Variants in HMGA2 observed in about 807,000 individuals in gnomAD.
HMGA2 encodes the protein high mobility group AT-hook 2, also known as high mobility group protein HMGI-C.
In HMGA2, 8 loss-of-function variants were observed where a neutral mutation model predicts 19.1. The observed-to-expected ratio is 0.42, with a 90% CI of 0.25 to 0.76. The LOEUF (loss-of-function observed/expected upper bound fraction) is 0.76. Ranked by LOEUF, HMGA2 falls within the 30% of genes least tolerant of loss-of-function variation. The pLI, the probability that HMGA2 is intolerant of heterozygous loss-of-function variation, is 0.28. For missense variants in HMGA2, 109 were observed against 136.3 expected, an observed-to-expected ratio of 0.80 and a Z score of 1.00; for synonymous variants, 60 against 48.8, an observed-to-expected ratio of 1.23 and a Z score of -0.96.
chr12:65,954,680 G>C (rs1453827206), intron 4 of HMGA2: 2 of 152,148 alleles, frequency 1.3e-5, no homozygotes, highest in African/African-American at 4.8e-5. Context: ...CTGTTGCAGG[G>C]GTTTGTGTTT....
chr12:65,912,422 T>A (rs1258860975), intron 3 of HMGA2, among the ~76,000 whole-genome samples: 1 of 152,124 alleles, frequency 6.6e-6, no homozygotes, highest in African/African-American at 2.4e-5. Context: ...CTCTTCATGG[T>A]GGGCCTCAGC....
chr12:65,888,382 T>C (rs1057483635), intron 3 of HMGA2, among the ~76,000 whole-genome samples: 3 of 150,280 alleles, frequency 2.0e-5, no homozygotes, highest in Non-Finnish European at 4.4e-5. Context: ...TTGAACCCGG[T>C]AGGTGGAGGT....
rs572239126 is a variant in HMGA2 at position 65,846,270 on chromosome 12, G to A, written c.249+7701G>A. On this transcript the variant is annotated intron_variant, in intron 3 of 4. Coordinates refer to ENST00000403681, the MANE Select transcript of HMGA2 (RefSeq NM_003483.6). ...AGAGTCCCTTTTGAGCATTTCCTTA[G>A]TAAACGATGAATGGCTGCTGGTCAA... is the stretch of plus-strand genomic sequence containing the variant. Among the ~76,000 whole-genome samples, 13 of 152,332 alleles carry A rather than the reference G, an allele frequency of 8.5e-5. No homozygotes were observed. In the East Asian group the frequency reaches 2.3e-3, roughly 27 times the overall value.
In HMGA2 at chr12:65,825,448, C is replaced by T. The variant is rs1870107577; in HGVS notation, c.111+67C>T. 1 of 1,171,976 alleles carries T rather than the reference C, an allele frequency of 8.5e-7. No individual in the cohort carries two copies. 72.6% of individuals were successfully genotyped at this position (1,171,976 alleles called of 1,614,324 possible). The stretch of plus-strand genomic sequence containing the variant: ...CCCACTGCCGGGGCCCAGACACGCG[C>T]GGGGCGGCCGGAGTGCGGGAGCCCA... On this transcript the variant is annotated intron_variant, in intron 1 of 4. Coordinates refer to ENST00000403681, the MANE Select transcript of HMGA2 (RefSeq NM_003483.6). This position sits in a 1 kb window ranked among gnomAD's most constrained non-coding sequence, Gnocchi z 4.4.
chr12:65,828,158 C>T (rs993218298), intron 2 of HMGA2, 71 bp downstream of exon 2: 9 of 1,102,926 alleles, frequency 8.2e-6, no homozygotes, highest in Non-Finnish European at 1.3e-5. Flanking sequence ...TGTAACTTTC[C>T]CATTCTAACT....
At chr12:65,909,180 A>G (rs1376345419) in intron 3 of HMGA2, among the ~76,000 whole-genome samples, 1 of 152,230 alleles carries the variant, frequency 6.6e-6, no homozygotes, top group Admixed American at 6.5e-5. Flanking sequence ...TACTGTTTGT[A>G]TGTAAGTCCC....
chr12:65,838,483 G>A (rs747200825), intron 2 of HMGA2, 36 bp from the exon 3 acceptor site: 30 of 1,551,494 alleles, frequency 1.9e-5, no homozygotes, highest in Non-Finnish European at 2.5e-5. Flanking sequence ...ACAATGTCAG[G>A]TAGAAAACTA....
At chr12:65,909,316 G>A (rs1196860304) in intron 3 of HMGA2, among the ~76,000 whole-genome samples, 7 of 152,018 alleles carry the variant, frequency 4.6e-5, no homozygotes, top group African/African-American at 1.4e-4. Flanking sequence ...GAATTTAAAA[G>A]GATATAAGGT....
rs1874980167 is a variant in HMGA2, at chr12:65,914,358, T to C, written c.250-37025T>C. On this transcript the variant is annotated intron_variant, in intron 3 of 4. Coordinates refer to ENST00000403681, the MANE Select transcript of HMGA2 (RefSeq NM_003483.6). ...GTCCTTTGTAGGGACAAGGATGAAA[T>C]TGGAAATCATCATTCTCAGTAAACT... 5.3e-5 allele frequency among the ~76,000 whole-genome samples: 8 copies of C among 151,598 alleles called. No homozygotes were observed. The South Asian group carries it at 1.7e-3, about 32-fold the overall frequency.
chr12:65,947,365 G>A (rs1876305861), intron 3 of HMGA2, among the ~76,000 whole-genome samples: 1 of 152,098 alleles, frequency 6.6e-6, no homozygotes, highest in Non-Finnish European at 1.5e-5. Flanking sequence ...TCCTCTCAAA[G>A]TGCTGAGATT....
At position 65,856,904 on chromosome 12, in the gene HMGA2, T is replaced by C. The variant is rs1382731630; in HGVS notation, c.249+18335T>C. ...TTTGATTAGGGCCCACCCCACTGAC[T>C]TCATCCTACCTTGATTATATCTGCC... is the stretch of plus-strand genomic sequence containing the variant. On this transcript the variant is annotated intron_variant, in intron 3 of 4. Coordinates refer to ENST00000403681, the MANE Select transcript of HMGA2 (RefSeq NM_003483.6). 3.3e-5 allele frequency: 5 copies of C among 152,348 alleles called. No homozygotes were observed. In the Middle Eastern group the frequency reaches 0.014, roughly 415 times the overall value. The allele number at this position is 152,348 out of a possible 1,614,324, so 9.4% of individuals were successfully genotyped here.
intron 3 of HMGA2, chr12:65,915,512 A>G (rs999339063): frequency 8.4e-6 from 10 of 1,184,040 alleles, no homozygotes; most frequent in African/African-American, 7.8e-5. Flanking sequence ...TTCATAAAAC[A>G]GATGCTTAAA....
chr12:65,860,419 A>T (rs1871996411), intron 3 of HMGA2, among the ~76,000 whole-genome samples: 1 of 152,200 alleles, frequency 6.6e-6, no homozygotes, highest in African/African-American at 2.4e-5. Context: ...AAAGCCAAAA[A>T]ATTCCAGTCA....
chr12:65,931,551 T>TTTTG (rs768092604), intron 3 of HMGA2, among the ~76,000 whole-genome samples: 1 of 144,148 alleles, frequency 6.9e-6, no homozygotes, highest in African/African-American at 2.6e-5. Context: ...TTATAGATGT[T>TTTTG]TGTGTGTGTG....
At chr12:65,935,294 T>C (rs1437391782) in intron 3 of HMGA2, among the ~76,000 whole-genome samples, 2 of 152,228 alleles carry the variant, frequency 1.3e-5, no homozygotes, top group East Asian at 1.9e-4. Flanking sequence ...TTATAACTTG[T>C]TAAACAGTGA....
At chr12:65,871,305 A>G (rs541388263) in intron 3 of HMGA2, among the ~76,000 whole-genome samples, 1 of 152,142 alleles carries the variant, frequency 6.6e-6, no homozygotes, top group Admixed American at 6.6e-5. Flanking sequence ...CTTTCCTACT[A>G]CAGTGGCAGA....
chr12:65,830,852 A>C (rs1870445616), intron 2 of HMGA2: 1 of 151,848 alleles, frequency 6.6e-6, no homozygotes, highest in Admixed American at 6.6e-5. Flanking sequence ...TAAGAACACA[A>C]TTTCCTATGC....
intron 3 of HMGA2, among the ~76,000 whole-genome samples, chr12:65,937,856 C>A (rs554467523): frequency 1.3e-5 from 2 of 152,184 alleles, no homozygotes; most frequent in African/African-American, 4.8e-5. Flanking sequence ...GTCAAGAGGG[C>A]GCTTCTTACC....
intron 4 of HMGA2, 53 bp from the exon 5 acceptor site, chr12:65,963,192 G>A: frequency 6.4e-7 from 1 of 1,563,704 alleles, no homozygotes; most frequent in South Asian, 1.1e-5. Context: ...GGCAAGAGCA[G>A]CCCACACAGT....
Sources: gnomAD v4.1 joint callset for allele counts (sites outside exome capture counted in the v4.1 genomes callset) on GRCh38, gnomAD v4.1.1 for gene constraint, Gnocchi (gnomAD v3.1) non-coding constraint, MANE v1.5 for transcripts, NCBI Gene and HGNC (gene_info 2026-07-23, HGNC 2026-07-21) for gene names.